The following UNC13C variants were observed in gnomAD, a reference collection of about 807,000 sequenced individuals.
The protein encoded by UNC13C is unc-13 homolog C.
A neutral mutation model predicts 245.4 loss-of-function variants in UNC13C; 174 were observed. That is an observed-to-expected ratio of 0.71 (90% CI 0.63 to 0.80). The LOEUF (loss-of-function observed/expected upper bound fraction) is 0.80. UNC13C is among the 30% of genes least tolerant of loss of function. The probability of loss-of-function intolerance (pLI) is 0.00; values close to 1 mark genes in which losing one functional copy is unlikely to be tolerated. For synonymous variants in UNC13C, 992 were observed against 895.1 expected, an observed-to-expected ratio of 1.11 and a Z score of -1.93; for missense variants, 2,829 against 2,602.9, an observed-to-expected ratio of 1.09 and a Z score of -1.89.
At chr15:54,349,770 A>G (rs903794598) in intron 17 of UNC13C, among the ~76,000 whole-genome samples, 2 of 152,300 alleles carry the variant, frequency 1.3e-5, no homozygotes, top group Non-Finnish European at 2.9e-5. Flanking sequence ...AGGATATTCA[A>G]TATAGCATTG....
At chr15:54,184,833 C>A (rs528224554) in intron 4 of UNC13C, among the ~76,000 whole-genome samples, 2 of 152,220 alleles carry the variant, frequency 1.3e-5, no homozygotes, top group South Asian at 2.1e-4. Flanking sequence ...GATCCCTGAG[C>A]AATTGCCACA....
chr15:54,089,069 C>G (rs1030290602), intron 2 of UNC13C, among the ~76,000 whole-genome samples: 2 of 152,154 alleles, frequency 1.3e-5, no homozygotes, highest in African/African-American at 2.4e-5. Flanking sequence ...CCCTTTTCCA[C>G]CCTTCTCCTG....
At chr15:54,229,489 T>G (rs78509095) in intron 4 of UNC13C, among the ~76,000 whole-genome samples, 11,945 of 152,218 alleles carry the variant, frequency 0.078, 533 homozygotes, top group Non-Finnish European at 0.1. Context: ...ACCATTTGTT[T>G]ATTATTATTT....
intron 2 of UNC13C, among the ~76,000 whole-genome samples, chr15:54,094,468 A>G (rs1011489832): frequency 2.0e-5 from 3 of 152,198 alleles, no homozygotes; most frequent in African/African-American, 4.8e-5. Context: ...ATGAGTGTGC[A>G]TTTTATATTG....
intron 11 of UNC13C, among the ~76,000 whole-genome samples, chr15:54,296,761 C>T (rs2037447176): frequency 6.6e-6 from 1 of 152,174 alleles, no homozygotes; most frequent in Non-Finnish European, 1.5e-5. Context: ...TCCGCACTGA[C>T]TTTGTGTCAC....
chr15:53,939,447 G>A, the UNC13C span, among the ~76,000 whole-genome samples: 4 of 152,140 alleles, frequency 2.6e-5, no homozygotes, highest in East Asian at 3.9e-4. Flanking sequence ...AAACTATTCC[G>A]AAAATTTGAA....
At chr15:54,256,220 T>C (rs1033656971) in intron 8 of UNC13C, among the ~76,000 whole-genome samples, 1 of 152,202 alleles carries the variant, frequency 6.6e-6, no homozygotes, top group Non-Finnish European at 1.5e-5. Flanking sequence ...AAGTGTGTTT[T>C]ATTACTTATT....
intron 29 of UNC13C, among the ~76,000 whole-genome samples, chr15:54,561,708 T>C (rs943831196): frequency 6.6e-6 from 1 of 151,990 alleles, no homozygotes; most frequent in Non-Finnish European, 1.5e-5. Flanking sequence ...AGAGGATTCA[T>C]CGATGATTTT....
At chr15:53,906,119 A>G in the UNC13C span, among the ~76,000 whole-genome samples, 1 of 152,068 alleles carries the variant, frequency 6.6e-6, no homozygotes, top group Non-Finnish European at 1.5e-5. Context: ...GGATCCCTTG[A>G]GTCCTGGAGT....
At chr15:54,517,808 G>A (rs1895045518) in intron 24 of UNC13C, among the ~76,000 whole-genome samples, 1 of 152,108 alleles carries the variant, frequency 6.6e-6, no homozygotes, top group Admixed American at 6.5e-5. Flanking sequence ...AAGAGATAAG[G>A]TTTGTGAGAG....
chr15:54,164,350 T>G (rs998761347), intron 4 of UNC13C, among the ~76,000 whole-genome samples: 6 of 152,202 alleles, frequency 3.9e-5, no homozygotes, highest in African/African-American at 1.4e-4. Flanking sequence ...TTGGCTTAAA[T>G]GTAATAAATT....
chr15:54,135,897 A>G (rs2031704519), intron 2 of UNC13C, among the ~76,000 whole-genome samples: 1 of 152,002 alleles, frequency 6.6e-6, no homozygotes, highest in Admixed American at 6.6e-5. Flanking sequence ...AAGCCATGGG[A>G]ATTTTGGTAG....
chr15:53,930,918 T>C, the UNC13C span, among the ~76,000 whole-genome samples: 2 of 152,192 alleles, frequency 1.3e-5, no homozygotes, highest in Admixed American at 1.3e-4. Flanking sequence ...AATGAAGTTA[T>C]TGTCGACCTC....
At chr15:54,102,558 C>T (rs563737140) in intron 2 of UNC13C, among the ~76,000 whole-genome samples, 8 of 152,280 alleles carry the variant, frequency 5.3e-5, no homozygotes, top group South Asian at 2.1e-4. Context: ...GTGTTCTATC[C>T]GTGTTTTATA....
intron 18 of UNC13C, among the ~76,000 whole-genome samples, chr15:54,413,855 C>A (rs2040464564): frequency 6.6e-6 from 1 of 152,174 alleles, no homozygotes; most frequent in African/African-American, 2.4e-5. Flanking sequence ...TGAGAGCTAG[C>A]TCTGTTCTTT....
At position 54,446,779 on chromosome 15, in the gene UNC13C, T is replaced by C. The variant is rs189811400; in HGVS notation, c.4933+31712T>C. Among the ~76,000 whole-genome samples, 353 of 152,260 alleles carry C rather than the reference T, an allele frequency of 2.3e-3. 1 individual carries two copies. Among genetic ancestry groups the C allele is most frequent in the Admixed American group, 9.7e-3 (148 of 15,288 alleles). On this transcript the variant is annotated intron_variant, in intron 19 of 32. Transcript: ENST00000260323. ...CCTCTTTTCCCAGTTGAACGCCCTT[T>C]ATTTCTTTCTCCTGCCTGATTGCCC...
intron 30 of UNC13C, among the ~76,000 whole-genome samples, chr15:54,568,251 A>G (rs899143159): frequency 6.6e-6 from 1 of 152,120 alleles, no homozygotes; most frequent in Non-Finnish European, 1.5e-5. Flanking sequence ...AATATTTATG[A>G]CCAAGATATT....
chr15:54,522,198 C>T (rs920772212), intron 24 of UNC13C, among the ~76,000 whole-genome samples: 15 of 151,852 alleles, frequency 9.9e-5, no homozygotes, highest in African/African-American at 3.1e-4. Context: ...TGGCCAGGCG[C>T]GGTGGCTCAC....
intron 17 of UNC13C, among the ~76,000 whole-genome samples, chr15:54,340,715 A>G (rs1486899509): frequency 6.6e-6 from 1 of 152,124 alleles, no homozygotes; most frequent in Admixed American, 6.5e-5. Context: ...GAAGTTAGGT[A>G]ATGTGAGGTC....
Sources: allele counts gnomAD v4.1 joint callset (sites outside exome capture counted in the v4.1 genomes callset), GRCh38; gene constraint gnomAD v4.1.1; transcripts MANE v1.5; gene names NCBI Gene and HGNC (gene_info 2026-07-23, HGNC 2026-07-21).